Variants in MAPRE2 observed in about 807,000 individuals in gnomAD.
MAPRE2 encodes microtubule-associated protein RP/EB family member 2.
In MAPRE2, 13 loss-of-function variants were observed where a neutral mutation model predicts 43.2. The observed-to-expected ratio is 0.30, with a 90% CI of 0.20 to 0.48. The LOEUF (loss-of-function observed/expected upper bound fraction) is 0.48, where lower values mean the gene tolerates loss of function less well. MAPRE2 is among the 20% of genes least tolerant of loss of function. The pLI, the probability that MAPRE2 is intolerant of heterozygous loss-of-function variation, is 0.99. For missense variants in MAPRE2, 161 were observed against 400.2 expected (o/e 0.40, Z 5.10); for synonymous variants, 135 against 148.8 (o/e 0.91, Z 0.68).
chr18:35,051,228 T>C (rs1406180433), intron 1 of MAPRE2, among the ~76,000 whole-genome samples: 2 of 152,114 alleles, frequency 1.3e-5, no homozygotes, highest in Admixed American at 6.5e-5. Context: ...TCGACACTTG[T>C]TCTCCAAGGA....
chr18:35,136,854 A>G (rs77985599), intron 6 of MAPRE2, among the ~76,000 whole-genome samples: 2,768 of 152,314 alleles, frequency 0.018, 76 homozygotes, highest in African/African-American at 0.06. Context: ...CTAAAGAATG[A>G]TAGTTTTCTT....
At chr18:35,059,203 G>T (rs749782786) in intron 1 of MAPRE2, among the ~76,000 whole-genome samples, 1 of 152,152 alleles carries the variant, frequency 6.6e-6, no homozygotes, top group Admixed American at 6.5e-5. Flanking sequence ...TATCCAACTG[G>T]TTGATAGTTC....
chr18:34,985,159 A>G (rs1314209568), intron 1 of MAPRE2, among the ~76,000 whole-genome samples: 1 of 81,354 alleles, frequency 1.2e-5, no homozygotes, highest in Non-Finnish European at 2.1e-5. Flanking sequence ...TTTATAATAT[A>G]TAAATATATA....
intron 2 of MAPRE2, among the ~76,000 whole-genome samples, chr18:35,092,633 A>G (rs546654358): frequency 6.6e-6 from 1 of 152,262 alleles, no homozygotes; most frequent in South Asian, 2.1e-4. Context: ...GAACAAAAAA[A>G]CTCCTTCACA....
chr18:35,015,209 G>T (rs980223120), intron 2 of MAPRE2, among the ~76,000 whole-genome samples: 1 of 152,086 alleles, frequency 6.6e-6, no homozygotes, highest in Admixed American at 6.6e-5. Flanking sequence ...TAGGGATTCT[G>T]GTCCTGGTGA....
At chr18:35,050,022 T>C (rs865938003) in intron 1 of MAPRE2, among the ~76,000 whole-genome samples, 1 of 152,244 alleles carries the variant, frequency 6.6e-6, no homozygotes, top group Non-Finnish European at 1.5e-5. Context: ...TAAAAATATT[T>C]CAGTATGCTA....
At chr18:35,044,450 T>G (rs1282607589) in intron 1 of MAPRE2, among the ~76,000 whole-genome samples, 2 of 152,152 alleles carry the variant, frequency 1.3e-5, no homozygotes, top group African/African-American at 4.8e-5. Context: ...GGCTGGTCTG[T>G]AACTCCTGGC....
chr18:35,058,354 C>G (rs1453458096), intron 1 of MAPRE2, among the ~76,000 whole-genome samples: 2 of 152,126 alleles, frequency 1.3e-5, no homozygotes, highest in Non-Finnish European at 2.9e-5. Context: ...AATGTAAATA[C>G]AGACCTTTGG....
chr18:35,115,946 C>G (rs996079291), intron 4 of MAPRE2, among the ~76,000 whole-genome samples: 2 of 152,096 alleles, frequency 1.3e-5, no homozygotes, highest in African/African-American at 4.8e-5. Flanking sequence ...CTCAGTCATT[C>G]TTTTTTACTA....
At chr18:35,079,457 G>A (rs1034735414) in intron 2 of MAPRE2, among the ~76,000 whole-genome samples, 4 of 152,134 alleles carry the variant, frequency 2.6e-5, no homozygotes, top group Admixed American at 6.5e-5. Context: ...TTAGTCTTAC[G>A]TAAAAGGACT....
At chr18:35,045,914 T>G (rs1348232362) in intron 1 of MAPRE2, among the ~76,000 whole-genome samples, 1 of 152,230 alleles carries the variant, frequency 6.6e-6, no homozygotes, top group African/African-American at 2.4e-5. Context: ...CTGGAACTTC[T>G]TTTACGGATT....
Position 35,041,644 on chromosome 18 carries a change from C to T in MAPRE2, c.105C>T (p.Arg35=). Residue 35 remains arginine, a synonymous_variant, in exon 1 of 7, where the codon CGC becomes CGT. Coordinates refer to ENST00000300249, the MANE Select transcript of MAPRE2 (RefSeq NM_014268.4). ...TIIPFRKHTV[R]GERSYSWGMA... is the part of the protein sequence containing the mutation. The stretch of plus-strand genomic sequence containing the variant: ...TTCCTTTCCGGAAGCACACAGTGCG[C>T]GGGGAGCGTTCCTACAGGTAATGGG... 6.2e-7 allele frequency: 1 copy of T among 1,614,194 alleles called. No homozygotes were observed. Among genetic ancestry groups the T allele is most frequent in the South Asian group, 1.1e-5 (1 of 91,078 alleles).
rs558282788 is a variant in MAPRE2, at chr18:35,088,920, A to T, written c.251-8526A>T. 2.7e-4 allele frequency among the ~76,000 whole-genome samples: 41 copies of T among 152,326 alleles called. 2 individuals are homozygous for T. The South Asian group carries it at 5.4e-3, about 20-fold the overall frequency. ...TTGAATTTGTATTAAATTGAATTGG[A>T]TGTCAGATGAAACAATGAAAACAGA... On this transcript the variant is annotated intron_variant, in intron 2 of 6. Transcript: ENST00000300249.
At position 34,993,888 on chromosome 18, in the gene MAPRE2, G is replaced by A. The variant is rs566301538; in HGVS notation, c.-69-11604G>A. ...ATATATGCCCTTCATTATTTATGTC[G>A]AATAACAAATTAAATGAATCCTAGT... On this transcript the variant is annotated intron_variant, in intron 1 of 7. Coordinates refer to the MAPRE2 transcript ENST00000413393. 5.9e-5 allele frequency among the ~76,000 whole-genome samples: 9 copies of A among 151,902 alleles called. No individual in the cohort carries two copies. The East Asian group carries it at 1.2e-3, about 20-fold the overall frequency.
At chr18:35,125,491 A>G (rs142567185) in intron 4 of MAPRE2, among the ~76,000 whole-genome samples, 1 of 152,380 alleles carries the variant, frequency 6.6e-6, no homozygotes, top group East Asian at 1.9e-4. Context: ...TGGGGTTACA[A>G]AGATGAGTAA....
At chr18:35,061,503 G>A (rs1266356730) in intron 1 of MAPRE2, among the ~76,000 whole-genome samples, 2 of 152,208 alleles carry the variant, frequency 1.3e-5, no homozygotes, top group Non-Finnish European at 2.9e-5. Flanking sequence ...GTCTGTGCCT[G>A]GAGGAGTTGG....
At chr18:35,105,468 G>A (rs908591638) in intron 4 of MAPRE2, among the ~76,000 whole-genome samples, 2 of 152,014 alleles carry the variant, frequency 1.3e-5, no homozygotes, top group Non-Finnish European at 2.9e-5. Context: ...GCCATGATAG[G>A]AGAAAGGCTC....
chr18:35,014,264 T>G (rs2097036717), intron 2 of MAPRE2, among the ~76,000 whole-genome samples: 1 of 151,992 alleles, frequency 6.6e-6, no homozygotes, highest in East Asian at 1.9e-4. Flanking sequence ...TATTGAAACA[T>G]CTGGTTTATG....
intron 2 of MAPRE2, among the ~76,000 whole-genome samples, chr18:35,035,884 G>A (rs1179424449): frequency 7.5e-6 from 1 of 133,882 alleles, no homozygotes; most frequent in East Asian, 2.1e-4. Flanking sequence ...GCTCACAGCT[G>A]TAATGACCAC....
Sources: gnomAD v4.1 joint callset for allele counts (sites outside exome capture counted in the v4.1 genomes callset) on GRCh38, gnomAD v4.1.1 for gene constraint, MANE v1.5 for transcripts, NCBI Gene and HGNC (gene_info 2026-07-23, HGNC 2026-07-21) for gene names.